UBE2H: variants seen among roughly 807,000 people sequenced by gnomAD.
UBE2H encodes the protein ubiquitin-conjugating enzyme E2 H.
Under a neutral mutation model 29.0 loss-of-function variants are expected in UBE2H, and 3 were observed. The ratio of observed to expected loss-of-function variants is 0.10; its 90% CI spans 0.05 to 0.27. UBE2H has a LOEUF of 0.27. UBE2H is among the 10% of genes least tolerant of loss of function. The pLI, the probability that UBE2H is intolerant of heterozygous loss-of-function variation, is 1.00. For synonymous variants in UBE2H, 69 were observed against 82.9 expected (o/e 0.83, Z 0.91); for missense variants, 68 against 228.2 (o/e 0.30, Z 4.52).
At chr7:129,837,648 G>C (rs1486181743) in intron 6 of UBE2H, among the ~76,000 whole-genome samples, 1 of 152,106 alleles carries the variant, frequency 6.6e-6, no homozygotes, top group East Asian at 1.9e-4. Flanking sequence ...TCACAGATTG[G>C]TGGTGGGAGT....
At chr7:129,913,239 CG>C (rs1806974999) in intron 1 of UBE2H, among the ~76,000 whole-genome samples, 2 of 126,758 alleles carry the variant, frequency 1.6e-5, no homozygotes, top group Admixed American at 1.9e-4. Flanking sequence ...GCAGCAAGAG[CG>C]AAACTCCGTC....
rs1805265596 is a variant in UBE2H, at chr7:129,833,379, G to C, written c.*1558C>G. On this transcript the variant is annotated 3_prime_UTR_variant, in exon 7 of 7. Transcript: ENST00000355621. ...GTGGGATGCTCAAAAATCGTCTTTA[G>C]AAGGTTTTAGGATTGGCTAATTCTG... 1 of 152,526 alleles carries C rather than the reference G, an allele frequency of 6.6e-6. No individual in the cohort carries two copies. The highest frequency in any genetic ancestry group is 6.5e-5 in the Admixed American group (1 of 15,286). 9.4% of individuals were successfully genotyped at this position (152,526 alleles called of 1,614,324 possible). A position where few individuals can be genotyped will look rare whatever the true frequency, so the allele number is the denominator to read the frequency against.
intron 3 of UBE2H, among the ~76,000 whole-genome samples, chr7:129,872,511 TGC>T (rs1806059243): frequency 1.3e-5 from 2 of 152,106 alleles, no homozygotes; most frequent in South Asian, 2.1e-4. Flanking sequence ...AAAAGATTAA[TGC>T]AGTTCCCTTT....
At chr7:129,867,766 C>A in intron 3 of UBE2H, among the ~76,000 whole-genome samples, 2 of 101,344 alleles carry the variant, frequency 2.0e-5, no homozygotes, top group Non-Finnish European at 2.1e-5. Context: ...TCTTGATGTG[C>A]AAGCAAAAAT....
intron 1 of UBE2H, among the ~76,000 whole-genome samples, chr7:129,888,306 T>C (rs911637709): frequency 1.3e-5 from 2 of 152,156 alleles, no homozygotes; most frequent in African/African-American, 4.8e-5. Context: ...AAAAGTGGCA[T>C]TGAGAAAAGA....
intron 3 of UBE2H, among the ~76,000 whole-genome samples, chr7:129,868,935 C>CTTT (rs34258788): frequency 1.6e-4 from 19 of 119,822 alleles, no homozygotes; most frequent in South Asian, 2.7e-4. Context: ...CTCTCTCTCT[C>CTTT]TTTTTTTTTT....
chr7:129,924,667 T>C (rs1209790232), intron 1 of UBE2H, among the ~76,000 whole-genome samples: 2 of 149,608 alleles, frequency 1.3e-5, no homozygotes, highest in African/African-American at 2.5e-5. Context: ...GAGTTGCATG[T>C]ATAATGTCTA....
intron 5 of UBE2H, among the ~76,000 whole-genome samples, chr7:129,851,877 G>T (rs1805616579): frequency 6.6e-6 from 1 of 152,212 alleles, no homozygotes; most frequent in South Asian, 2.1e-4. Flanking sequence ...GATAAAGAAG[G>T]TTGGTTACGG....
intron 5 of UBE2H, among the ~76,000 whole-genome samples, chr7:129,841,801 G>A (rs1055229961): frequency 4.6e-5 from 7 of 152,110 alleles, no homozygotes; most frequent in African/African-American, 1.4e-4. Context: ...CATGTACCAC[G>A]AAAGAAATCC....
intron 3 of UBE2H, among the ~76,000 whole-genome samples, chr7:129,868,586 C>CAAAA (rs11356893): frequency 1.6e-4 from 11 of 69,518 alleles, no homozygotes; most frequent in Non-Finnish European, 2.2e-4. Context: ...GACTCCGTCT[C>CAAAA]AAAAAAAAAA....
rs34001143 is a variant in UBE2H at position 129,872,845 on chromosome 7, C to CAAAAAAAAAAAAAAA, written c.205+6708_205+6722dup. The stretch of plus-strand genomic sequence containing the variant: ...TAGGTGACAGAGCAACACTCCGTCT[C>CAAAAAAAAAAAAAAA]AAAAAAAAAAAAAAAAAAAAAAAAA... On this transcript the variant is annotated intron_variant, in intron 3 of 6. Coordinates refer to ENST00000355621, the MANE Select transcript of UBE2H (RefSeq NM_003344.4). Among the ~76,000 whole-genome samples, 7 of 72,006 alleles carry CAAAAAAAAAAAAAAA rather than the reference C, an allele frequency of 9.7e-5. 1 individual carries two copies. Among genetic ancestry groups the CAAAAAAAAAAAAAAA allele is most frequent in the Admixed American group, 4.0e-4 (2 of 5,030 alleles). 47.2% of individuals were successfully genotyped at this position (72,006 alleles called of 152,430 possible).
chr7:129,948,884 T>C (rs893247373), intron 1 of UBE2H: 1 of 342,322 alleles, frequency 2.9e-6, no homozygotes, highest in African/African-American at 2.1e-5. Context: ...AACACACTTG[T>C]TCCTGTAACA....
chr7:129,884,721 C>T (rs971289189), intron 1 of UBE2H, among the ~76,000 whole-genome samples: 1 of 151,728 alleles, frequency 6.6e-6, no homozygotes, highest in Non-Finnish European at 1.5e-5. Context: ...CCTAGCTGGG[C>T]CTACAGCAGG....
chr7:129,889,243 TGG>T, intron 1 of UBE2H, among the ~76,000 whole-genome samples: 1 of 152,118 alleles, frequency 6.6e-6, no homozygotes, highest in East Asian at 1.9e-4. Flanking sequence ...TGGCTGAAGG[TGG>T]GAATAAGCAG....
intron 1 of UBE2H, among the ~76,000 whole-genome samples, chr7:129,910,656 C>T (rs1806916636): frequency 6.6e-6 from 1 of 152,000 alleles, no homozygotes; most frequent in South Asian, 2.1e-4. Flanking sequence ...CCGAGGAAGG[C>T]TGATTGTCTG....
intron 1 of UBE2H, among the ~76,000 whole-genome samples, chr7:129,927,545 T>A (rs1584791212): frequency 6.6e-6 from 1 of 151,580 alleles, no homozygotes; most frequent in Non-Finnish European, 1.5e-5. Flanking sequence ...GTCTCAAAAA[T>A]AAAAACACAA....
intron 5 of UBE2H, among the ~76,000 whole-genome samples, chr7:129,845,406 G>A (rs983983676): frequency 4.5e-4 from 69 of 152,118 alleles, no homozygotes; most frequent in Non-Finnish European, 9.3e-4. Flanking sequence ...GGAAGGAAAG[G>A]GCCATTTGCT....
At chr7:129,865,726 T>C (rs941441741) in intron 3 of UBE2H, among the ~76,000 whole-genome samples, 1 of 152,258 alleles carries the variant, frequency 6.6e-6, no homozygotes, top group Non-Finnish European at 1.5e-5. Flanking sequence ...TCTGATCGTC[T>C]ATCTTCAGAA....
intron 5 of UBE2H, among the ~76,000 whole-genome samples, chr7:129,847,133 G>A (rs1054668556): frequency 3.3e-5 from 5 of 152,026 alleles, no homozygotes; most frequent in African/African-American, 1.2e-4. Context: ...TGGAACCTCT[G>A]CCTTTTGGGT....
Sources: allele counts gnomAD v4.1 joint callset (sites outside exome capture counted in the v4.1 genomes callset), GRCh38; gene constraint gnomAD v4.1.1; transcripts MANE v1.5; gene names NCBI Gene and HGNC (gene_info 2026-07-23, HGNC 2026-07-21).